The following SHISA9 variants were observed in gnomAD, a reference collection of about 807,000 sequenced individuals.
The protein encoded by SHISA9 is shisa family member 9.
A neutral mutation model predicts 38.0 loss-of-function variants in SHISA9; 13 were observed. The ratio of observed to expected loss-of-function variants is 0.34; its 90% confidence interval spans 0.22 to 0.54. The LOEUF is 0.54. Ranked by LOEUF, SHISA9 falls within the 20% of genes least tolerant of loss-of-function variation. The pLI, the probability that SHISA9 is intolerant of heterozygous loss-of-function variation, is 0.91. For synonymous variants in SHISA9, 275 were observed against 242.0 expected, an observed-to-expected ratio of 1.14 and a Z score of -1.27; for missense variants, 538 against 575.8, an observed-to-expected ratio of 0.93 and a Z score of 0.67.
chr16:13,404,382 T>G, the SHISA9 span, among the ~76,000 whole-genome samples: 1 of 152,334 alleles, frequency 6.6e-6, no homozygotes, highest in South Asian at 2.1e-4. Context: ...TAGAGAAATT[T>G]GTCCTCATCG....
At chr16:13,449,888 G>C in the SHISA9 span, among the ~76,000 whole-genome samples, 2 of 152,082 alleles carry the variant, frequency 1.3e-5, no homozygotes, top group African/African-American at 4.8e-5. Flanking sequence ...AGGCTGAGGT[G>C]GGTGGATCAC....
the SHISA9 span, among the ~76,000 whole-genome samples, chr16:13,337,523 G>C: frequency 2.6e-5 from 4 of 152,174 alleles, no homozygotes; most frequent in South Asian, 8.3e-4. Context: ...AGACTAATAT[G>C]GTTACCATTC....
intron 2 of SHISA9, among the ~76,000 whole-genome samples, chr16:12,945,630 G>A (rs1400664184): frequency 1.3e-5 from 2 of 152,146 alleles, no homozygotes; most frequent in East Asian, 3.9e-4. Flanking sequence ...TAGTTATGTG[G>A]CCTTGAATAA....
chr16:13,338,820 A>C, the SHISA9 span, among the ~76,000 whole-genome samples: 1 of 152,206 alleles, frequency 6.6e-6, no homozygotes, highest in Non-Finnish European at 1.5e-5. Context: ...GTAAAGCAAA[A>C]GTCACGATAA....
At chr16:13,273,858 G>T in the SHISA9 span, among the ~76,000 whole-genome samples, 11 of 152,100 alleles carry the variant, frequency 7.2e-5, no homozygotes, top group African/African-American at 2.4e-4. Context: ...AATTATCAAA[G>T]TCCATGGTTA....
the SHISA9 span, among the ~76,000 whole-genome samples, chr16:13,525,614 A>G: frequency 6.6e-6 from 1 of 152,250 alleles, no homozygotes; most frequent in Non-Finnish European, 1.5e-5. Flanking sequence ...CTTGAAATTA[A>G]TACTTCTTTA....
the SHISA9 span, among the ~76,000 whole-genome samples, chr16:13,354,995 A>C: frequency 4.0e-5 from 6 of 149,036 alleles, no homozygotes; most frequent in African/African-American, 4.9e-5. Flanking sequence ...GTCCAAGTGA[A>C]AGCGAAGAGA....
chr16:12,902,094 T>A lies in SHISA9; in HGVS notation c.30T>A (p.Gly10=). Residue 10 remains glycine (G), a synonymous_variant, in exon 1 of 5, where the codon GGT becomes GGA. Coordinates refer to ENST00000558583, the MANE Select transcript of SHISA9 (RefSeq NM_001145204.3). ...GCCGCGTCCTTCGGCTGCTCCTCGGTTGCTTCCTCACCGAGCTGTGCGCCC... is the reference window on the plus strand; with the variant it reads ...GCCGCGTCCTTCGGCTGCTCCTCGGATGCTTCCTCACCGAGCTGTGCGCCC... MRRVLRLLL[G]CFLTELCARV... is the part of the protein sequence containing the mutation. 6.7e-7 allele frequency: 1 copy of A among 1,495,384 alleles called. No homozygotes were observed. Among genetic ancestry groups the A allele is most frequent in the East Asian group, 2.8e-5 (1 of 35,642 alleles). The allele number at this position is 1,495,384 out of a possible 1,614,324, so 92.6% of individuals were successfully genotyped here. A position where few individuals can be genotyped will look rare whatever the true frequency, so the allele number is the denominator to read the frequency against.
At chr16:12,993,657 T>A (rs1344304771) in intron 2 of SHISA9, among the ~76,000 whole-genome samples, 1 of 152,176 alleles carries the variant, frequency 6.6e-6, no homozygotes, top group Non-Finnish European at 1.5e-5. Flanking sequence ...GAGTTTACCC[T>A]GTAGCAGGAG....
At chr16:13,375,771 A>G in the SHISA9 span, among the ~76,000 whole-genome samples, 1 of 152,208 alleles carries the variant, frequency 6.6e-6, no homozygotes, top group Non-Finnish European at 1.5e-5. Context: ...ACTAAAGAAG[A>G]CCTAAGTAAG....
chr16:13,292,960 G>A, the SHISA9 span, among the ~76,000 whole-genome samples: 2 of 152,106 alleles, frequency 1.3e-5, no homozygotes, highest in Non-Finnish European at 2.9e-5. Context: ...AGAATGGAGA[G>A]AGCAGATGGC....
the SHISA9 span, among the ~76,000 whole-genome samples, chr16:13,253,527 AAG>A: frequency 6.6e-6 from 1 of 152,222 alleles, no homozygotes; most frequent in African/African-American, 2.4e-5. Context: ...GAAGGTAAAA[AAG>A]AAGCAAAGTC....
the SHISA9 span, among the ~76,000 whole-genome samples, chr16:13,440,359 T>A: frequency 6.6e-6 from 1 of 152,244 alleles, no homozygotes; most frequent in African/African-American, 2.4e-5. Flanking sequence ...GGAAGAGTTG[T>A]CAGTCATTTG....
At chr16:13,021,898 A>G (rs4781384) in intron 2 of SHISA9, among the ~76,000 whole-genome samples, 31,434 of 152,204 alleles carry the variant, frequency 0.21, 4,196 homozygotes, top group Middle Eastern at 0.31. Flanking sequence ...GCCGTAACAA[A>G]TGACCACACA....
chr16:13,330,645 A>G, the SHISA9 span, among the ~76,000 whole-genome samples: 1 of 152,208 alleles, frequency 6.6e-6, no homozygotes, highest in Non-Finnish European at 1.5e-5. Context: ...AGTGTTTAGT[A>G]GACATTGCTC....
intron 3 of SHISA9, 62 bp downstream of exon 3, chr16:13,203,611 G>A: frequency 7.3e-7 from 1 of 1,379,004 alleles, no homozygotes; most frequent in Non-Finnish European, 9.4e-7. Context: ...GCTGCTTCTT[G>A]TAGATCTCTT....
At chr16:13,394,033 G>A in the SHISA9 span, among the ~76,000 whole-genome samples, 1 of 152,210 alleles carries the variant, frequency 6.6e-6, no homozygotes, top group Admixed American at 6.5e-5. Context: ...CACTGGGTTA[G>A]CCATGTGACT....
At chr16:13,429,377 C>G in the SHISA9 span, among the ~76,000 whole-genome samples, 3 of 152,130 alleles carry the variant, frequency 2.0e-5, no homozygotes, top group African/African-American at 2.4e-5. Context: ...TTCCATGCCT[C>G]TCTCACAGCT....
the SHISA9 span, among the ~76,000 whole-genome samples, chr16:13,402,107 C>T: frequency 6.7e-6 from 1 of 150,344 alleles, no homozygotes; most frequent in Non-Finnish European, 1.5e-5. Flanking sequence ...TCAGTGTTCT[C>T]CAGAGAAATG....
Sources: allele counts gnomAD v4.1 joint callset (sites outside exome capture counted in the v4.1 genomes callset), GRCh38; gene constraint gnomAD v4.1.1; transcripts MANE v1.5; gene names NCBI Gene and HGNC (gene_info 2026-07-23, HGNC 2026-07-21).